MAGI2: variants seen among roughly 807,000 people sequenced by gnomAD.
MAGI2 encodes membrane associated guanylate kinase, WW and PDZ domain containing 2.
Under a neutral mutation model 133.3 loss-of-function variants are expected in MAGI2, and 35 were observed. The ratio of observed to expected loss-of-function variants is 0.26; its 90% CI spans 0.20 to 0.35. The LOEUF (loss-of-function observed/expected upper bound fraction) is 0.35. Ranked by LOEUF, MAGI2 falls within the 10% of genes least tolerant of loss-of-function variation. The pLI is 1.00. For missense variants in MAGI2, 1,636 were observed against 1,863.4 expected, an observed-to-expected ratio of 0.88 and a Z score of 2.25; for synonymous variants, 729 against 710.6, an observed-to-expected ratio of 1.03 and a Z score of -0.41.
intron 2 of MAGI2, among the ~76,000 whole-genome samples, chr7:79,004,814 G>A (rs1440918086): frequency 6.6e-6 from 1 of 152,190 alleles, no homozygotes; most frequent in Non-Finnish European, 1.5e-5. Flanking sequence ...CGGGCGTGGT[G>A]GCTCACGCCT....
At chr7:79,112,234 C>A (rs1284984442) in intron 1 of MAGI2, among the ~76,000 whole-genome samples, 2 of 152,040 alleles carry the variant, frequency 1.3e-5, no homozygotes, top group African/African-American at 4.8e-5. Context: ...GAAAAAAAAT[C>A]TCATCAGCAC....
At chr7:78,208,758 C>T (rs1787394299) in intron 10 of MAGI2, among the ~76,000 whole-genome samples, 1 of 150,596 alleles carries the variant, frequency 6.6e-6, no homozygotes, top group Non-Finnish European at 1.5e-5. Context: ...GATTACATGT[C>T]TGTTTGGTAT....
intron 21 of MAGI2, among the ~76,000 whole-genome samples, chr7:78,049,173 A>T (rs748125423): frequency 4.6e-5 from 7 of 152,210 alleles, no homozygotes; most frequent in Non-Finnish European, 7.3e-5. Context: ...CTCAGACTTA[A>T]GACATGCTGC....
At chr7:78,617,159 A>G (rs373176123) in intron 3 of MAGI2, 3 of 152,130 alleles carry the variant, frequency 2.0e-5, no homozygotes, top group African/African-American at 7.2e-5. Flanking sequence ...GATGGATATT[A>G]GGAAGAAAAG....
At chr7:78,518,573 G>A (rs774649809) in intron 4 of MAGI2, 17 of 152,210 alleles carry the variant, frequency 1.1e-4, no homozygotes, top group East Asian at 3.8e-4. Context: ...ATATTCCTTC[G>A]TAATGGAATA....
intron 2 of MAGI2, among the ~76,000 whole-genome samples, chr7:78,975,083 G>A (rs1319877058): frequency 6.6e-6 from 1 of 151,586 alleles, no homozygotes; most frequent in Non-Finnish European, 1.5e-5. Flanking sequence ...TATGAGAGTT[G>A]GAGACTCCAA....
intron 1 of MAGI2, among the ~76,000 whole-genome samples, chr7:79,274,696 G>A (rs895467435): frequency 6.6e-6 from 1 of 151,908 alleles, no homozygotes; most frequent in Non-Finnish European, 1.5e-5. Flanking sequence ...ATTGCACTTT[G>A]CAGATATTTG....
chr7:78,033,419 G>A (rs1249442070), intron 21 of MAGI2, among the ~76,000 whole-genome samples: 1 of 144,034 alleles, frequency 6.9e-6, no homozygotes, highest in African/African-American at 2.6e-5. Context: ...GGTGCAGTGA[G>A]CCATGATCAT....
chr7:79,050,374 T>C (rs1228301992), intron 1 of MAGI2, among the ~76,000 whole-genome samples: 3 of 152,096 alleles, frequency 2.0e-5, no homozygotes, highest in Non-Finnish European at 4.4e-5. Context: ...TTATCAGTCA[T>C]AAATTCTTCT....
intron 20 of MAGI2, among the ~76,000 whole-genome samples, chr7:78,082,442 G>A (rs1054616829): frequency 1.3e-5 from 2 of 152,108 alleles, no homozygotes; most frequent in African/African-American, 4.8e-5. Flanking sequence ...TTTTTATCGG[G>A]TTCCCAGGAG....
At chr7:79,137,665 C>A (rs976763567) in intron 1 of MAGI2, among the ~76,000 whole-genome samples, 8 of 151,828 alleles carry the variant, frequency 5.3e-5, no homozygotes, top group African/African-American at 1.9e-4. Flanking sequence ...GTTGGCCAGG[C>A]TGGTCTCGAA....
At chr7:79,172,801 C>G (rs1825741514) in intron 1 of MAGI2, 1 of 152,002 alleles carries the variant, frequency 6.6e-6, no homozygotes, top group Non-Finnish European at 1.5e-5. Flanking sequence ...TTTCCAGAAG[C>G]TCTAGCCAAT....
chr7:78,361,678 G>T (rs1792827072), intron 7 of MAGI2, among the ~76,000 whole-genome samples: 1 of 152,024 alleles, frequency 6.6e-6, no homozygotes, highest in African/African-American at 2.4e-5. Context: ...TAAACTTCTG[G>T]GTGCCTAAAA....
At chr7:78,202,878 A>G (rs1050824385) in intron 10 of MAGI2, among the ~76,000 whole-genome samples, 1 of 152,060 alleles carries the variant, frequency 6.6e-6, no homozygotes, top group African/African-American at 2.4e-5. Flanking sequence ...ATTCTGTTCA[A>G]TGTGTGGTTC....
chr7:79,132,036 T>G (rs1021834647), intron 1 of MAGI2, among the ~76,000 whole-genome samples: 1 of 152,140 alleles, frequency 6.6e-6, no homozygotes, highest in Non-Finnish European at 1.5e-5. Context: ...AGTTACAAAA[T>G]AAATACAAAT....
intron 10 of MAGI2, among the ~76,000 whole-genome samples, chr7:78,241,933 CAAA>C (rs57321733): frequency 3.8e-5 from 5 of 130,480 alleles, no homozygotes; most frequent in African/African-American, 5.6e-5. Flanking sequence ...GAACCCGTCT[CAAA>C]AAAAAAAAAA....
chr7:78,977,863 TA>T (rs1157455984), intron 2 of MAGI2, among the ~76,000 whole-genome samples: 2 of 151,634 alleles, frequency 1.3e-5, no homozygotes, highest in East Asian at 2.0e-4. Flanking sequence ...TGCAAACCAA[TA>T]AAAAACAGGC....
At chr7:79,057,266 T>C (rs67259321) in intron 1 of MAGI2, among the ~76,000 whole-genome samples, 17,613 of 152,150 alleles carry the variant, frequency 0.12, 1,704 homozygotes, top group African/African-American at 0.26. Context: ...AATAGAGATG[T>C]GGAAGGACCA....
chr7:78,654,556 C>T lies in MAGI2; in HGVS notation c.419-27317G>A, dbSNP rs1199298867. On this transcript the variant is annotated intron_variant, in intron 2 of 21. Coordinates refer to ENST00000354212, the MANE Select transcript of MAGI2 (RefSeq NM_012301.4). ...TCTTGTTTAAATGTAATTATGCCAA[C>T]GTTTCCCAAGTTGAGTTCTGTGCTT... Among the ~76,000 whole-genome samples, 8 of 151,422 alleles carry T rather than the reference C, an allele frequency of 5.3e-5. No homozygotes were observed. In the South Asian group the frequency reaches 1.0e-3, roughly 20 times the overall value.
Sources: gnomAD v4.1 joint callset for allele counts (sites outside exome capture counted in the v4.1 genomes callset) on GRCh38, gnomAD v4.1.1 for gene constraint, MANE v1.5 for transcripts, NCBI Gene and HGNC (gene_info 2026-07-23, HGNC 2026-07-21) for gene names.